TENM3: variants seen among roughly 807,000 people sequenced by gnomAD.
TENM3 encodes teneurin-3.
In TENM3, 63 loss-of-function variants were observed where a neutral mutation model predicts 255.1. That is an observed-to-expected ratio of 0.25 (90% confidence interval 0.20 to 0.30). The LOEUF (loss-of-function observed/expected upper bound fraction) is 0.30, where lower values mean the gene tolerates loss of function less well. Ranked by LOEUF, TENM3 falls within the 10% of genes least tolerant of loss-of-function variation. TENM3 has a pLI of 1.00. For synonymous variants in TENM3, 1,306 were observed against 1,322.3 expected (o/e 0.99, Z 0.27); for missense variants, 2,929 against 3,461.1 (o/e 0.85, Z 3.86).
At chr4:182,780,717 CCT>C (rs1765102071) in intron 24 of TENM3, among the ~76,000 whole-genome samples, 1 of 151,426 alleles carries the variant, frequency 6.6e-6, no homozygotes, top group African/African-American at 2.4e-5. Flanking sequence ...TTGTTTGTAT[CCT>C]CTTTTATTTC....
chr4:182,322,666 G>A (rs1763127419), intron 1 of TENM3, among the ~76,000 whole-genome samples: 1 of 152,208 alleles, frequency 6.6e-6, no homozygotes, highest in South Asian at 2.1e-4. Context: ...TGTGTATACT[G>A]ACAGTGCATG....
the TENM3 span, among the ~76,000 whole-genome samples, chr4:181,869,952 G>A: frequency 1.4e-4 from 21 of 152,240 alleles, 1 homozygote; most frequent in South Asian, 3.9e-3. Flanking sequence ...TGAAAAACAA[G>A]AAGTTATTTC....
intron 18 of TENM3, among the ~76,000 whole-genome samples, chr4:182,738,778 A>G (rs1329625474): frequency 6.6e-6 from 1 of 152,206 alleles, no homozygotes; most frequent in African/African-American, 2.4e-5. Context: ...GATCGCCAAA[A>G]TGATTTTCCC....
chr4:182,487,595 A>G (rs1437100177), intron 3 of TENM3, among the ~76,000 whole-genome samples: 4 of 152,110 alleles, frequency 2.6e-5, no homozygotes, highest in Admixed American at 2.0e-4. Flanking sequence ...CACTCTCCCA[A>G]CTGAGCTACT....
the TENM3 span, among the ~76,000 whole-genome samples, chr4:181,796,568 G>A: frequency 0.22 from 33,925 of 152,108 alleles, 4,140 homozygotes; most frequent in South Asian, 0.31. Context: ...ACATGAGCAT[G>A]TGCACTAGAG....
intron 1 of TENM3, among the ~76,000 whole-genome samples, chr4:182,154,044 T>G (rs1349635120): frequency 6.6e-6 from 1 of 152,150 alleles, no homozygotes. Context: ...AATGATACCT[T>G]CTAATGTAAT....
Position 182,650,889 on chromosome 4 carries a change from A to AAAAT in TENM3, c.989-2881_989-2880insAATA, listed in dbSNP as rs1281790163. On this transcript the variant is annotated intron_variant, in intron 5 of 27. Coordinates refer to ENST00000511685, the MANE Select transcript of TENM3 (RefSeq NM_001080477.4). ...ATTGAGATTTTCTGTAATAAAAAAA[A>AAAAT]ATATATATATATATATATATATATA... Among the ~76,000 whole-genome samples, 140 of 29,628 alleles carry AAAAT rather than the reference A, an allele frequency of 4.7e-3. 1 individual carries two copies. The highest frequency in any genetic ancestry group is 0.017 in the South Asian group (19 of 1,104). The allele number at this position is 29,628 out of a possible 152,430, so 19.4% of individuals were successfully genotyped here.
chr4:182,249,399 A>G lies in TENM3; in HGVS notation c.-76+5923A>G, dbSNP rs188745034. Among the ~76,000 whole-genome samples, 5 of 152,306 alleles carry G rather than the reference A, an allele frequency of 3.3e-5. No homozygotes were observed. The East Asian group carries it at 9.6e-4, about 29-fold the overall frequency. On this transcript the variant is annotated intron_variant, in intron 1 of 27. Coordinates refer to ENST00000511685, the MANE Select transcript of TENM3 (RefSeq NM_001080477.4). The stretch of plus-strand genomic sequence containing the variant: ...TTACAACAAAGGTCTATTTTTTTAC[A>G]TATTTTGTGAGTTATATGAGTTGAT...
chr4:182,195,500 C>T (rs187744207), intron 1 of TENM3, among the ~76,000 whole-genome samples: 1 of 152,128 alleles, frequency 6.6e-6, no homozygotes, highest in East Asian at 1.9e-4. Flanking sequence ...ATTAGCTGAG[C>T]ATGGTGGTGC....
chr4:182,018,076 A>G, the TENM3 span, among the ~76,000 whole-genome samples: 1 of 152,190 alleles, frequency 6.6e-6, no homozygotes, highest in Non-Finnish European at 1.5e-5. Flanking sequence ...GAAGTTAGGG[A>G]ACATCTAATT....
At chr4:182,430,030 C>T (rs548380169) in intron 3 of TENM3, among the ~76,000 whole-genome samples, 4 of 152,314 alleles carry the variant, frequency 2.6e-5, no homozygotes, top group African/African-American at 7.2e-5. Context: ...CTGACTCCTG[C>T]GTCTGTGGTC....
chr4:182,338,825 T>C (rs1764300305), intron 2 of TENM3, among the ~76,000 whole-genome samples: 2 of 152,338 alleles, frequency 1.3e-5, no homozygotes, highest in African/African-American at 4.8e-5. Context: ...CATTCAGACA[T>C]GTTGGAAATT....
chr4:181,965,386 T>C, the TENM3 span, among the ~76,000 whole-genome samples: 1 of 152,200 alleles, frequency 6.6e-6, no homozygotes, highest in Non-Finnish European at 1.5e-5. Flanking sequence ...TATTCAAAAG[T>C]AGCATGTACA....
At chr4:182,525,228 C>T (rs944263000) in intron 3 of TENM3, among the ~76,000 whole-genome samples, 2 of 152,132 alleles carry the variant, frequency 1.3e-5, no homozygotes, top group South Asian at 4.1e-4. Context: ...AAGAATTGCC[C>T]ATAGGGCTGT....
At chr4:182,372,654 A>C (rs1175926543) in intron 3 of TENM3, among the ~76,000 whole-genome samples, 1 of 148,736 alleles carries the variant, frequency 6.7e-6, no homozygotes, top group African/African-American at 2.4e-5. Context: ...ATGCTGAACA[A>C]AAAAAAAATA....
intron 3 of TENM3, among the ~76,000 whole-genome samples, chr4:182,504,105 T>C (rs1736583984): frequency 6.6e-6 from 1 of 151,996 alleles, no homozygotes; most frequent in African/African-American, 2.4e-5. Flanking sequence ...TATTACTGTG[T>C]ACTCAGTACC....
At chr4:181,605,584 G>GAAAGAAAAGAAA in the TENM3 span, among the ~76,000 whole-genome samples, 18 of 69,192 alleles carry the variant, frequency 2.6e-4, 2 homozygotes, top group African/African-American at 9.2e-4. Flanking sequence ...GAGAAAGAAA[G>GAAAGAAAAGAAA]GAAAGAAAGA....
Position 182,458,550 on chromosome 4 carries a change from A to T in TENM3, c.511+111621A>T, listed in dbSNP as rs560299676. Among the ~76,000 whole-genome samples, 10 of 152,304 alleles carry T rather than the reference A, an allele frequency of 6.6e-5. No homozygotes were observed. In the East Asian group the frequency reaches 1.9e-3, roughly 29 times the overall value. ...AGGAGGGAAGTGAACCAGATCAATG[A>T]TTTTGAACAGCGTAGCTTCTTGTAG... On this transcript the variant is annotated intron_variant, in intron 3 of 27. Transcript: ENST00000511685.
chr4:182,235,066 C>CA (rs1041302438), intron 1 of TENM3, among the ~76,000 whole-genome samples: 4 of 152,044 alleles, frequency 2.6e-5, no homozygotes, highest in Non-Finnish European at 5.9e-5. Context: ...CTGGCCAATA[C>CA]AAAAAAACCA....
Sources: allele counts gnomAD v4.1 joint callset (sites outside exome capture counted in the v4.1 genomes callset), GRCh38; gene constraint gnomAD v4.1.1; transcripts MANE v1.5; gene names NCBI Gene and HGNC (gene_info 2026-07-23, HGNC 2026-07-21).